Variants in CHN2 observed in about 807,000 individuals in gnomAD.
The protein encoded by CHN2 is beta-chimaerin.
Under a neutral mutation model 56.3 loss-of-function variants are expected in CHN2, and 35 were observed. That is an observed-to-expected ratio of 0.62 (90% CI 0.47 to 0.82). The LOEUF is 0.82. Ranked by LOEUF, CHN2 falls within the 40% of genes least tolerant of loss-of-function variation. CHN2 has a pLI of 0.00. For synonymous variants in CHN2, 210 were observed against 212.8 expected (o/e 0.99, Z 0.12); for missense variants, 491 against 580.5 (o/e 0.85, Z 1.58).
intron 6 of CHN2, among the ~76,000 whole-genome samples, chr7:29,417,884 T>C (rs1331735438): frequency 6.6e-6 from 1 of 152,222 alleles, no homozygotes; most frequent in African/African-American, 2.4e-5. Context: ...AACTTGAGCA[T>C]GTGCTTCAGA....
At chr7:29,349,145 C>T (rs10225341) in intron 1 of CHN2, among the ~76,000 whole-genome samples, 36,315 of 152,100 alleles carry the variant, frequency 0.24, 4,853 homozygotes, top group Non-Finnish European at 0.3. Context: ...TTATCTTACG[C>T]CCACCCTTCA....
rs142674790 is a variant in CHN2 at position 29,305,456 on chromosome 7, A to AG, written c.50-49168dup. 9.0e-3 allele frequency among the ~76,000 whole-genome samples: 1,369 copies of AG among 152,014 alleles called. 14 individuals carry two copies. Among genetic ancestry groups the AG allele is most frequent in the African/African-American group, 0.032 (1,316 of 41,432 alleles). The stretch of plus-strand genomic sequence containing the variant: ...GATAGTCTCTTCTATGATAAAGATC[A>AG]GTTTTTTTTTTTAGTTTTGATACTT... On this transcript the variant is annotated intron_variant, in intron 1 of 12. Transcript: ENST00000222792.
intron 2 of CHN2, among the ~76,000 whole-genome samples, chr7:29,182,846 A>G (rs563244585): frequency 6.6e-6 from 1 of 152,268 alleles, no homozygotes; most frequent in Admixed American, 6.5e-5. Context: ...TATTGTGTTA[A>G]TCCCGTTTTT....
chr7:29,257,450 A>G (rs891800671), intron 1 of CHN2, among the ~76,000 whole-genome samples: 5 of 152,104 alleles, frequency 3.3e-5, no homozygotes, highest in African/African-American at 1.2e-4. Context: ...CTTGGGCACA[A>G]CTGTTCTGAC....
rs780153781 is a variant in CHN2 at position 29,512,672 on chromosome 7, T to C, written c.1344T>C (p.His448=). The C allele has an allele frequency of 2.5e-6, 4 of 1,614,084 alleles. No individual in the cohort carries two copies. In the East Asian group the frequency reaches 8.9e-5, roughly 36 times the overall value. Residue 448 remains histidine (H), a synonymous_variant, in exon 13 of 13, where the codon CAT becomes CAC. Transcript: ENST00000222792. The stretch of plus-strand genomic sequence containing the variant: ...AGGACAGCACCCTGACCACCCTGCA[T>C]GATATGCGGTACCAAAAGCTGATTG... ...PPEDSTLTTL[H]DMRYQKLIVQ...
chr7:29,448,815 C>A (rs187656821), intron 6 of CHN2, among the ~76,000 whole-genome samples: 14 of 152,336 alleles, frequency 9.2e-5, no homozygotes, highest in Admixed American at 7.8e-4. Flanking sequence ...TATATCTCCC[C>A]CACCTTAGCA....
At chr7:29,325,097 T>C (rs576900842) in intron 1 of CHN2, among the ~76,000 whole-genome samples, 1 of 152,316 alleles carries the variant, frequency 6.6e-6, no homozygotes, top group South Asian at 2.1e-4. Flanking sequence ...AGTCTATCCA[T>C]TATTATTTCT....
Position 29,246,245 on chromosome 7 carries a change from C to T in CHN2, c.49+51255C>T, listed in dbSNP as rs1264038307. The stretch of plus-strand genomic sequence containing the variant: ...GGAGAGAATTACTTCTTGTCTCAGG[C>T]AGAACCGGAGAGGTTCCCAGAGATC... On this transcript the variant is annotated intron_variant, in intron 1 of 12. Transcript: ENST00000222792. Among the ~76,000 whole-genome samples the T allele has an allele frequency of 2.6e-5, 4 of 152,256 alleles. No individual in the cohort carries two copies. The East Asian group carries it at 7.7e-4, about 29-fold the overall frequency.
At chr7:29,340,401 G>A (rs570387832) in intron 1 of CHN2, among the ~76,000 whole-genome samples, 3 of 87,580 alleles carry the variant, frequency 3.4e-5, no homozygotes, top group Non-Finnish European at 8.8e-5. Context: ...GGGTTGCTTG[G>A]GGGGGGGCCT....
chr7:29,325,059 G>A (rs770084768), intron 1 of CHN2, among the ~76,000 whole-genome samples: 1 of 152,000 alleles, frequency 6.6e-6, no homozygotes, highest in South Asian at 2.1e-4. Flanking sequence ...TTGGCTCCTA[G>A]GGCACCACCA....
intron 6 of CHN2, among the ~76,000 whole-genome samples, chr7:29,435,949 G>A (rs1479011165): frequency 2.0e-5 from 3 of 146,792 alleles, no homozygotes; most frequent in Non-Finnish European, 4.5e-5. Flanking sequence ...GGTGAAAGTT[G>A]GATTCTAGGA....
intron 6 of CHN2, among the ~76,000 whole-genome samples, chr7:29,434,670 C>T (rs1019585249): frequency 3.9e-5 from 6 of 152,164 alleles, no homozygotes; most frequent in Non-Finnish European, 8.8e-5. Flanking sequence ...TTACATCTGC[C>T]AAGATCCTAT....
intron 2 of CHN2, among the ~76,000 whole-genome samples, chr7:29,168,889 G>C (rs1796254455): frequency 6.6e-6 from 1 of 152,130 alleles, no homozygotes; most frequent in Non-Finnish European, 1.5e-5. Context: ...TAATCTATAA[G>C]CTTCTAAGAG....
intron 1 of CHN2, among the ~76,000 whole-genome samples, chr7:29,234,075 C>G (rs549112152): frequency 1.3e-5 from 2 of 151,326 alleles, no homozygotes; most frequent in African/African-American, 4.9e-5. Context: ...CCTCGTGATC[C>G]GCCCGCCTCG....
intron 6 of CHN2, among the ~76,000 whole-genome samples, chr7:29,475,171 T>C (rs966896802): frequency 1.3e-5 from 2 of 152,162 alleles, no homozygotes; most frequent in African/African-American, 4.8e-5. Context: ...AGGATCCTAA[T>C]TGTAGAGAGA....
chr7:29,258,286 T>C (rs1001760657), intron 1 of CHN2, among the ~76,000 whole-genome samples: 23 of 152,204 alleles, frequency 1.5e-4, no homozygotes, highest in Admixed American at 7.2e-4. Context: ...TTATATAGCC[T>C]AAGTCTTAAA....
At chr7:29,225,305 G>A (rs1786104728) in intron 1 of CHN2, among the ~76,000 whole-genome samples, 1 of 152,122 alleles carries the variant, frequency 6.6e-6, no homozygotes. Context: ...TAGAGAATTA[G>A]CCTGGAAAGA....
intron 6 of CHN2, among the ~76,000 whole-genome samples, chr7:29,477,109 T>G (rs1402052037): frequency 6.6e-6 from 1 of 152,168 alleles, no homozygotes; most frequent in Non-Finnish European, 1.5e-5. Context: ...GAGAGAAGTT[T>G]TCGCCAAGAG....
At chr7:29,277,401 C>G (rs1317220134) in intron 1 of CHN2, among the ~76,000 whole-genome samples, 1 of 152,274 alleles carries the variant, frequency 6.6e-6, no homozygotes, top group African/African-American at 2.4e-5. Flanking sequence ...GAAGGCAGGA[C>G]AAAGGTAGGC....
Sources: allele counts gnomAD v4.1 joint callset (sites outside exome capture counted in the v4.1 genomes callset), GRCh38; gene constraint gnomAD v4.1.1; transcripts MANE v1.5; gene names NCBI Gene and HGNC (gene_info 2026-07-23, HGNC 2026-07-21).